Variants in CTNND2 observed in about 807,000 individuals in gnomAD.
The protein encoded by CTNND2 is catenin delta-2.
In CTNND2, 22 loss-of-function variants were observed where a neutral mutation model predicts 144.4. The ratio of observed to expected loss-of-function variants is 0.15; its 90% CI spans 0.11 to 0.22. The LOEUF (loss-of-function observed/expected upper bound fraction) is 0.22. CTNND2 is among the 10% of genes least tolerant of loss of function. The probability of loss-of-function intolerance (pLI) is 1.00; values close to 1 mark genes in which losing one functional copy is unlikely to be tolerated. For synonymous variants in CTNND2, 751 were observed against 695.6 expected, an observed-to-expected ratio of 1.08 and a Z score of -1.25; for missense variants, 1,353 against 1,618.8, an observed-to-expected ratio of 0.84 and a Z score of 2.82.
At chr5:11,678,955 A>C (rs1318658303) in intron 2 of CTNND2, among the ~76,000 whole-genome samples, 2 of 151,922 alleles carry the variant, frequency 1.3e-5, no homozygotes, top group Admixed American at 1.3e-4. Context: ...TGATAGATAT[A>C]CTTATTCTAC....
chr5:11,877,059 G>A (rs1012915332), intron 1 of CTNND2, among the ~76,000 whole-genome samples: 2 of 152,106 alleles, frequency 1.3e-5, no homozygotes, highest in South Asian at 4.1e-4. Context: ...AAGAAGTGCT[G>A]TTAGCAGATA....
intron 11 of CTNND2, among the ~76,000 whole-genome samples, chr5:11,196,435 T>C (rs1736862293): frequency 6.6e-6 from 1 of 152,194 alleles, no homozygotes; most frequent in Non-Finnish European, 1.5e-5. Context: ...TCCCCTGTAC[T>C]GGTGGGGCTC....
intron 11 of CTNND2, among the ~76,000 whole-genome samples, chr5:11,160,074 A>T (rs1758619575): frequency 6.6e-6 from 1 of 152,234 alleles, no homozygotes; most frequent in Admixed American, 6.5e-5. Flanking sequence ...CAATGGACCC[A>T]AATTGCTAAA....
intron 14 of CTNND2, among the ~76,000 whole-genome samples, chr5:11,100,786 G>A (rs956778383): frequency 2.0e-5 from 3 of 152,170 alleles, no homozygotes; most frequent in Non-Finnish European, 4.4e-5. Flanking sequence ...TTCCTTTTAT[G>A]TAAGAGCTAA....
At chr5:11,544,127 A>G (rs749760391) in intron 3 of CTNND2, among the ~76,000 whole-genome samples, 38 of 152,086 alleles carry the variant, frequency 2.5e-4, no homozygotes, top group Non-Finnish European at 4.9e-4. Flanking sequence ...TTTAAAGGGG[A>G]CTTTAAAATT....
intron 1 of CTNND2, among the ~76,000 whole-genome samples, chr5:11,887,557 A>T (rs1035464430): frequency 5.3e-5 from 8 of 152,120 alleles, no homozygotes; most frequent in African/African-American, 1.9e-4. Context: ...AAATAAATAA[A>T]TTTTATCTTT....
chr5:11,785,199 A>G (rs540011903), intron 1 of CTNND2, among the ~76,000 whole-genome samples: 1 of 152,354 alleles, frequency 6.6e-6, no homozygotes, highest in South Asian at 2.1e-4. Context: ...ACAGTGAGAC[A>G]TAATTAATGT....
chr5:10,973,812 G>T lies in CTNND2; in HGVS notation c.3418-99C>A. On this transcript the variant is annotated intron_variant, in intron 21 of 21. Coordinates refer to ENST00000304623, the MANE Select transcript of CTNND2 (RefSeq NM_001332.4). The surrounding 1 kb of genome is among the most constrained non-coding windows in gnomAD (Gnocchi z 5.6). ...AACTCTCCTTCAAAGAATAGGCTGT[G>T]TATATCCAGGCATTCACCACTGTGG... 1 of 1,342,118 alleles carries T rather than the reference G, an allele frequency of 7.5e-7. No individual in the cohort carries two copies. The highest frequency in any genetic ancestry group is 1.0e-6 in the Non-Finnish European group (1 of 1,000,056). 83.1% of individuals were successfully genotyped at this position (1,342,118 alleles called of 1,614,324 possible).
At chr5:11,473,513 G>A (rs1386040823) in intron 3 of CTNND2, among the ~76,000 whole-genome samples, 1 of 152,200 alleles carries the variant, frequency 6.6e-6, no homozygotes, top group Non-Finnish European at 1.5e-5. Context: ...GGTTTCCAGA[G>A]CAGTAAAAAA....
At chr5:11,369,315 C>T (rs549265028) in intron 7 of CTNND2, among the ~76,000 whole-genome samples, 3 of 152,220 alleles carry the variant, frequency 2.0e-5, no homozygotes, top group East Asian at 1.9e-4. Flanking sequence ...CAAATACCTG[C>T]TAATTCAGTA....
At chr5:11,706,664 A>T (rs1325519989) in intron 2 of CTNND2, among the ~76,000 whole-genome samples, 1 of 152,212 alleles carries the variant, frequency 6.6e-6, no homozygotes, top group African/African-American at 2.4e-5. Flanking sequence ...CATCAGTAGA[A>T]TCACACATAG....
At chr5:11,590,207 G>T (rs546834396) in intron 2 of CTNND2, among the ~76,000 whole-genome samples, 30 of 151,964 alleles carry the variant, frequency 2.0e-4, no homozygotes, top group African/African-American at 6.8e-4. Context: ...CACCAGGCCC[G>T]GGTAATTTTT....
chr5:11,754,475 C>T (rs923844350), intron 1 of CTNND2, among the ~76,000 whole-genome samples: 1 of 150,716 alleles, frequency 6.6e-6, no homozygotes, highest in Non-Finnish European at 1.5e-5. Context: ...TTTGTTAGAT[C>T]TATTCGGTCA....
chr5:11,592,806 A>C (rs951084379), intron 2 of CTNND2, among the ~76,000 whole-genome samples: 6 of 151,574 alleles, frequency 4.0e-5, no homozygotes, highest in African/African-American at 1.5e-4. Flanking sequence ...AAGAAGAGCA[A>C]GCAGTCTTAA....
intron 12 of CTNND2, among the ~76,000 whole-genome samples, chr5:11,136,126 C>G (rs767298686): frequency 3.3e-5 from 5 of 152,112 alleles, no homozygotes; most frequent in African/African-American, 1.2e-4. Flanking sequence ...AGAAAGCAGC[C>G]CTCAGCAGAT....
At chr5:11,044,907 C>A (rs2973487) in intron 16 of CTNND2, among the ~76,000 whole-genome samples, 28,744 of 152,264 alleles carry the variant, frequency 0.19, 5,420 homozygotes, top group East Asian at 0.58. Context: ...TGGGCCACCA[C>A]TGGGGACCCT....
At chr5:11,807,472 G>A (rs972082541) in intron 1 of CTNND2, among the ~76,000 whole-genome samples, 5 of 152,102 alleles carry the variant, frequency 3.3e-5, no homozygotes, top group Non-Finnish European at 4.4e-5. Flanking sequence ...TTTGCCCTTA[G>A]TGTTCCACAG....
chr5:11,727,602 T>A (rs192748222), intron 2 of CTNND2, among the ~76,000 whole-genome samples: 1 of 152,338 alleles, frequency 6.6e-6, no homozygotes, highest in East Asian at 1.9e-4. Context: ...TAAATTTTGA[T>A]ATGTGGAGAA....
intron 3 of CTNND2, among the ~76,000 whole-genome samples, chr5:11,446,479 A>G (rs1047138666): frequency 6.6e-6 from 1 of 152,208 alleles, no homozygotes; most frequent in African/African-American, 2.4e-5. Context: ...GAGCCAGCCT[A>G]TGATTTGCTA....
Sources: gnomAD v4.1 joint callset for allele counts (sites outside exome capture counted in the v4.1 genomes callset) on GRCh38, gnomAD v4.1.1 for gene constraint, Gnocchi (gnomAD v3.1) non-coding constraint, MANE v1.5 for transcripts, NCBI Gene and HGNC (gene_info 2026-07-23, HGNC 2026-07-21) for gene names.